Variants in TNN observed in about 807,000 individuals in gnomAD.
The protein encoded by TNN is tenascin-N.
In TNN, 122 loss-of-function variants were observed where a neutral mutation model predicts 134.4. The ratio of observed to expected loss-of-function variants is 0.91; its 90% confidence interval spans 0.78 to 1.06. The LOEUF (loss-of-function observed/expected upper bound fraction) is 1.06, where lower values mean the gene tolerates loss of function less well. Ranked by LOEUF, TNN falls within the 50% of genes least tolerant of loss-of-function variation. The pLI is 0.00. For synonymous variants in TNN, 710 were observed against 670.3 expected, an observed-to-expected ratio of 1.06 and a Z score of -0.91; for missense variants, 1,739 against 1,699.4, an observed-to-expected ratio of 1.02 and a Z score of -0.41.
At chr1:175,075,300 G>GTTA (rs1018416273) in intron 1 of TNN, among the ~76,000 whole-genome samples, 15 of 152,068 alleles carry the variant, frequency 9.9e-5, no homozygotes, top group African/African-American at 3.6e-4. Flanking sequence ...CAACCTAGGC[G>GTTA]TTATTATTAT....
intron 4 of TNN, among the ~76,000 whole-genome samples, chr1:175,081,060 A>C (rs1358165262): frequency 6.6e-6 from 1 of 152,154 alleles, no homozygotes; most frequent in Admixed American, 6.5e-5. Flanking sequence ...TCTCCAAAGA[A>C]TTCTGTCTCC....
At chr1:175,119,445 C>A (rs1162008246) in intron 11 of TNN, among the ~76,000 whole-genome samples, 1 of 151,822 alleles carries the variant, frequency 6.6e-6, no homozygotes, top group South Asian at 2.1e-4. Context: ...GTCTTTATGA[C>A]CTGTATCTTG....
intron 7 of TNN, among the ~76,000 whole-genome samples, chr1:175,095,794 G>A (rs1327700422): frequency 1.3e-5 from 2 of 152,104 alleles, no homozygotes; most frequent in African/African-American, 2.4e-5. Context: ...GGCTGGTCTC[G>A]AACTCCTGAG....
At position 175,147,230 on chromosome 1, in the gene TNN, A is replaced by AG; in HGVS notation, c.*159_*160insG. On this transcript the variant is annotated 3_prime_UTR_variant, in exon 19 of 19. Transcript: ENST00000239462. ...TGGAGGTTCCTTCCCTCTCACCTGC[A>AG]TTTTTGCCCGTCTTTATGAGGGTCT... 1.5e-6 allele frequency: 1 copy of AG among 681,008 alleles called. No individual in the cohort carries two copies. The highest frequency in any genetic ancestry group is 2.2e-6 in the Non-Finnish European group (1 of 458,192). 42.2% of individuals were successfully genotyped at this position (681,008 alleles called of 1,614,324 possible). A position where few individuals can be genotyped will look rare whatever the true frequency, so the allele number is the denominator to read the frequency against.
chr1:175,136,704 G>T, intron 16 of TNN, 117 bp from the exon 17 acceptor site: 1 of 922,974 alleles, frequency 1.1e-6, no homozygotes, highest in Non-Finnish European at 1.6e-6. Flanking sequence ...CCCCTTATTA[G>T]CAGAGAAGGT....
chr1:175,145,552 C>CAAAAAAAAAAAAAAAAAAAA (rs3028580), intron 18 of TNN, among the ~76,000 whole-genome samples: 9 of 28,912 alleles, frequency 3.1e-4, no homozygotes, highest in East Asian at 1.0e-3. Flanking sequence ...GACCCTGTCT[C>CAAAAAAAAAAAAAAAAAAAA]AAAAAAAAAA....
chr1:175,098,932 G>C (rs888168258), intron 9 of TNN, among the ~76,000 whole-genome samples: 2 of 152,250 alleles, frequency 1.3e-5, no homozygotes, highest in African/African-American at 4.8e-5. Flanking sequence ...GCCAGACTTA[G>C]GGATTGTGAT....
At chr1:175,119,267 C>G (rs751000343) in intron 11 of TNN, among the ~76,000 whole-genome samples, 10 of 152,210 alleles carry the variant, frequency 6.6e-5, no homozygotes, top group Non-Finnish European at 1.5e-4. Context: ...CATACCTCCC[C>G]TTTTTAGACC....
At position 175,097,676 on chromosome 1, in the gene TNN, C is replaced by A. The variant is rs759976890; in HGVS notation, c.1848C>A (p.Ala616=). The change falls in exon 8 of 19, where the codon GCC becomes GCA. Residue 616 remains alanine (A), a synonymous_variant. Coordinates refer to ENST00000239462, the MANE Select transcript of TNN (RefSeq NM_022093.2). ...AGAGCAAGAAGGCTGACACCAACGC[C>A]CCGACAGGTAACAAAAGAGAGATGG... ...DRESKKADTN[A]PTDIDSPKNL... 3.7e-6 allele frequency: 6 copies of A among 1,613,912 alleles called. No homozygotes were observed. In the East Asian group the frequency reaches 6.7e-5, roughly 18 times the overall value.
chr1:175,097,698 A>G lies in TNN; in HGVS notation c.1855+15A>G. 1 of 1,613,882 alleles carries G rather than the reference A, an allele frequency of 6.2e-7. No homozygotes were observed. On this transcript the variant is annotated intron_variant, in intron 8 of 18. Transcript: ENST00000239462. ...CGCCCCGACAGGTAACAAAAGAGAG[A>G]TGGTCAATTGGAATTGAGTTTTAGC...
At chr1:175,130,429 G>T (rs576191365) in intron 15 of TNN, among the ~76,000 whole-genome samples, 4 of 152,308 alleles carry the variant, frequency 2.6e-5, no homozygotes, top group African/African-American at 9.6e-5. Context: ...AACATGGGAG[G>T]TCTTCCACCT....
chr1:175,135,782 C>T (rs1436316061), intron 15 of TNN, 63 bp from the exon 16 acceptor site: 1 of 1,362,592 alleles, frequency 7.3e-7, no homozygotes, highest in African/African-American at 1.4e-5. Flanking sequence ...TTGGTCTTCT[C>T]TTGTCTCCCA....
intron 9 of TNN, among the ~76,000 whole-genome samples, chr1:175,114,317 TCAGCAATAACTATG>T (rs1675109075): frequency 6.6e-6 from 1 of 152,222 alleles, no homozygotes; most frequent in Admixed American, 6.5e-5. Context: ...GTGTTTGACA[TCAGCAATAACTATG>T]GGCATATCAG....
Position 175,147,377 on chromosome 1 carries a change from C to T in TNN, c.*306C>T, listed in dbSNP as rs2101859370. The T allele has an allele frequency of 7.5e-6, 2 of 265,740 alleles. No homozygotes were observed. Among genetic ancestry groups the T allele is most frequent in the Non-Finnish European group, 7.0e-6 (1 of 142,648 alleles). The allele number at this position is 265,740 out of a possible 1,614,324, so 16.5% of individuals were successfully genotyped here. On this transcript the variant is annotated 3_prime_UTR_variant, in exon 19 of 19. Coordinates refer to ENST00000239462, the MANE Select transcript of TNN (RefSeq NM_022093.2). ...TAGGGCAAGAGAAGGAATCACCCAGCACTTCACCAGTTGGAAATCTCTGGA... is the reference window on the plus strand; with the variant it reads ...TAGGGCAAGAGAAGGAATCACCCAGTACTTCACCAGTTGGAAATCTCTGGA...
At position 175,128,783 on chromosome 1, in the gene TNN, G is replaced by A. The variant is rs370948555; in HGVS notation, c.3330+37G>A. ...AGAACCCTGGGGAGCTCTGTGTAGG[G>A]CCTTCCTTCTCAGCCCAGGATGCCG... On this transcript the variant is annotated intron_variant, in intron 15 of 18. Transcript: ENST00000239462. The A allele has an allele frequency of 5.7e-6, 9 of 1,572,082 alleles. No homozygotes were observed. The Admixed American group carries it at 1.1e-4, about 19-fold the overall frequency.
intron 15 of TNN, among the ~76,000 whole-genome samples, chr1:175,135,441 A>G (rs1675776380): frequency 6.6e-6 from 1 of 152,216 alleles, no homozygotes; most frequent in Non-Finnish European, 1.5e-5. Context: ...AAACTATTTC[A>G]GAAAAGGGGA....
intron 10 of TNN, among the ~76,000 whole-genome samples, chr1:175,117,763 G>A (rs1054507352): frequency 1.3e-5 from 2 of 152,142 alleles, no homozygotes; most frequent in Non-Finnish European, 2.9e-5. Flanking sequence ...AATAGTAATA[G>A]GATACACATG....
At position 175,085,446 on chromosome 1, in the gene TNN, A is replaced by C. The variant is rs758464012; in HGVS notation, c.1276A>C (p.Met426Leu). Reference protein sequence around the residue: ...GTEYKITVVPMRGELEGKPIL... With the variant: ...GTEYKITVVPLRGELEGKPIL... ...TGAGTATAAGATCACGGTGGTGCCCATGAGAGGAGAGCTGGAGGGCAAGCC... is the reference window on the plus strand; with the variant it reads ...TGAGTATAAGATCACGGTGGTGCCCCTGAGAGGAGAGCTGGAGGGCAAGCC... Residue 426 changes from methionine to leucine, a missense_variant, in exon 6 of 19, where the codon ATG becomes CTG. Coordinates refer to ENST00000239462, the MANE Select transcript of TNN (RefSeq NM_022093.2). 33 of 1,613,058 alleles carry C rather than the reference A, an allele frequency of 2.0e-5. No individual in the cohort carries two copies. The Admixed American group carries it at 5.3e-4, about 26-fold the overall frequency.
chr1:175,118,971 C>A, intron 11 of TNN, 147 bp downstream of exon 11: 1 of 1,177,484 alleles, frequency 8.5e-7, no homozygotes, highest in Non-Finnish European at 1.2e-6. Flanking sequence ...CAAAACAAAA[C>A]AAAAACAAAA....
Sources: gnomAD v4.1 joint callset for allele counts (sites outside exome capture counted in the v4.1 genomes callset) on GRCh38, gnomAD v4.1.1 for gene constraint, MANE v1.5 for transcripts, NCBI Gene and HGNC (gene_info 2026-07-23, HGNC 2026-07-21) for gene names.